The following ITSN1 variants were observed in gnomAD, a reference collection of about 807,000 sequenced individuals.
The protein encoded by ITSN1 is intersectin 1.
A neutral mutation model predicts 239.8 loss-of-function variants in ITSN1; 58 were observed. The observed-to-expected ratio is 0.24, with a 90% CI of 0.20 to 0.30. ITSN1 has a LOEUF of 0.30. Ranked by LOEUF, ITSN1 falls within the 10% of genes least tolerant of loss-of-function variation. The pLI is 1.00. For missense variants in ITSN1, 1,558 were observed against 2,103.3 expected (o/e 0.74, Z 5.07); for synonymous variants, 780 against 770.8 (o/e 1.01, Z -0.20).
intron 5 of ITSN1, among the ~76,000 whole-genome samples, chr21:33,741,873 C>A (rs1368240212): frequency 8.9e-6 from 1 of 111,858 alleles, no homozygotes; most frequent in Non-Finnish European, 1.6e-5. Context: ...CCATCCTGGG[C>A]GACAGAGCGA....
chr21:33,808,157 G>A (rs563543649), intron 20 of ITSN1, among the ~76,000 whole-genome samples: 6 of 150,466 alleles, frequency 4.0e-5, no homozygotes, highest in South Asian at 4.2e-4. Flanking sequence ...ACTGCAGTCC[G>A]CAGTCCCACC....
At position 33,811,312 on chromosome 21, in the gene ITSN1, A is replaced by G. The variant is rs2072900269; in HGVS notation, c.2567+90A>G. The G allele has an allele frequency of 2.3e-6, 3 of 1,316,596 alleles. No homozygotes were observed. The South Asian group carries it at 4.5e-5, about 20-fold the overall frequency. 81.6% of individuals were successfully genotyped at this position (1,316,596 alleles called of 1,614,324 possible). Reference sequence around the variant, plus strand: ...CCCTTAAGTATTTTCATAGTCTTGGATTGTCCTTCTATGTGAGGGAGCTGG... The same window carrying G: ...CCCTTAAGTATTTTCATAGTCTTGGGTTGTCCTTCTATGTGAGGGAGCTGG... On this transcript the variant is annotated intron_variant, in intron 21 of 39. Transcript: ENST00000381318.
chr21:33,873,002 C>T (rs971659046), intron 33 of ITSN1, among the ~76,000 whole-genome samples: 1 of 152,164 alleles, frequency 6.6e-6, no homozygotes, highest in Non-Finnish European at 1.5e-5. Context: ...TAGTGGTTCT[C>T]AGATTTGACT....
At chr21:33,830,650 C>A (rs952395811) in intron 27 of ITSN1, among the ~76,000 whole-genome samples, 3 of 152,144 alleles carry the variant, frequency 2.0e-5, no homozygotes, top group African/African-American at 7.2e-5. Flanking sequence ...AGTATCTAGA[C>A]CCTGTGTGAA....
intron 33 of ITSN1, among the ~76,000 whole-genome samples, chr21:33,868,269 C>T (rs1205899341): frequency 7.2e-5 from 11 of 152,258 alleles, no homozygotes; most frequent in Admixed American, 5.2e-4. Context: ...GTGGATCCCA[C>T]ACCGGGGCTG....
At chr21:33,788,270 C>T (rs2070825044) in intron 16 of ITSN1, among the ~76,000 whole-genome samples, 1 of 151,518 alleles carries the variant, frequency 6.6e-6, no homozygotes, top group Non-Finnish European at 1.5e-5. Context: ...AGCTCTTCTG[C>T]CCACCTCCTT....
chr21:33,709,906 A>G lies in ITSN1; in HGVS notation c.-32-8891A>G, dbSNP rs554078737. Among the ~76,000 whole-genome samples the G allele has an allele frequency of 1.7e-3, 266 of 152,090 alleles. 2 individuals are homozygous for G. Among genetic ancestry groups the G allele is most frequent in the African/African-American group, 6.0e-3 (251 of 41,496 alleles). On this transcript the variant is annotated intron_variant, in intron 1 of 39. Transcript: ENST00000381318. ...TACTTTATTGAGTAATCTCCATATCAGTGTTGCACAGAAGTGGTAAAAGCA... is the reference window on the plus strand; with the variant it reads ...TACTTTATTGAGTAATCTCCATATCGGTGTTGCACAGAAGTGGTAAAAGCA...
intron 1 of ITSN1, among the ~76,000 whole-genome samples, chr21:33,682,518 CTTTCT>C: frequency 6.6e-6 from 1 of 151,236 alleles, no homozygotes; most frequent in Non-Finnish European, 1.5e-5. Context: ...TGCCCAGCCT[CTTTCT>C]TTTCTTTTCT....
intron 37 of ITSN1, 46 bp downstream of exon 37, chr21:33,885,169 G>C (rs1021957592): frequency 1.3e-6 from 2 of 1,505,926 alleles, no homozygotes; most frequent in Non-Finnish European, 1.8e-6. Flanking sequence ...GGGCAGGAGG[G>C]AGGGCCATTT....
At chr21:33,662,515 C>A (rs921206935) in intron 1 of ITSN1, among the ~76,000 whole-genome samples, 2 of 152,094 alleles carry the variant, frequency 1.3e-5, no homozygotes, top group Admixed American at 1.3e-4. Flanking sequence ...TCTGTTCTGT[C>A]AGAAATGGTA....
chr21:33,757,152 C>T (rs1462308201), intron 8 of ITSN1: 1 of 152,176 alleles, frequency 6.6e-6, no homozygotes, highest in African/African-American at 2.4e-5. Context: ...CCCAGAACTA[C>T]ATTGCCAATG....
At position 33,682,819 on chromosome 21, in the gene ITSN1, T is replaced by C. The variant is rs577250951; in HGVS notation, c.-32-35978T>C. Among the ~76,000 whole-genome samples the C allele has an allele frequency of 1.9e-3, 274 of 147,880 alleles. 1 individual carries two copies. Among genetic ancestry groups the C allele is most frequent in the Non-Finnish European group, 2.9e-3 (194 of 67,970 alleles). ...TTGCAGGCTTGAGCCCTTTTTTTTT[T>C]CCCCATATGGCTTCTGAACATTGTT... On this transcript the variant is annotated intron_variant, in intron 1 of 39. Transcript: ENST00000381318.
At chr21:33,783,977 C>T (rs895639993) in intron 16 of ITSN1, among the ~76,000 whole-genome samples, 3 of 152,096 alleles carry the variant, frequency 2.0e-5, no homozygotes, top group Non-Finnish European at 2.9e-5. Context: ...TAATATGTGG[C>T]GAGTCACCCC....
At chr21:33,702,201 C>T (rs1472666827) in intron 1 of ITSN1, among the ~76,000 whole-genome samples, 2 of 108,560 alleles carry the variant, frequency 1.8e-5, no homozygotes, top group African/African-American at 3.6e-5. Flanking sequence ...CTGCAGCCTC[C>T]GCCTCCCAGG....
chr21:33,688,394 C>G (rs756054383), intron 1 of ITSN1, among the ~76,000 whole-genome samples: 1 of 152,146 alleles, frequency 6.6e-6, no homozygotes, highest in African/African-American at 2.4e-5. Context: ...TTGTTTAGTT[C>G]TGAGTTTATG....
chr21:33,834,415 T>C lies in ITSN1; in HGVS notation c.3460T>C (p.Leu1154=), dbSNP rs963213741. The change falls in exon 28 of 40, where the codon TTA becomes CTA. Residue 1154 remains leucine (L), a synonymous_variant. Transcript: ENST00000381318. ...TPTEPPKSTA[L]AAVCQVIGMY... ...AACAGAGCCACCTAAGTCAACAGCA[T>C]TAGCGGCAGGTAAGGAGTTTCGCAT... 8.7e-6 allele frequency: 14 copies of C among 1,610,052 alleles called. 1 individual carries two copies. Among genetic ancestry groups the C allele is most frequent in the African/African-American group, 1.3e-5 (1 of 74,846 alleles).
intron 24 of ITSN1, among the ~76,000 whole-genome samples, chr21:33,822,853 C>T (rs1363990761): frequency 6.6e-6 from 1 of 152,076 alleles, no homozygotes; most frequent in African/African-American, 2.4e-5. Flanking sequence ...AACTAGATGC[C>T]CATTTTTAAC....
At chr21:33,652,154 G>A (rs1385325851) in intron 1 of ITSN1, among the ~76,000 whole-genome samples, 2 of 151,906 alleles carry the variant, frequency 1.3e-5, no homozygotes, top group East Asian at 1.9e-4. Flanking sequence ...TACTTAGCCC[G>A]GGAGAGTTGA....
intron 20 of ITSN1, among the ~76,000 whole-genome samples, chr21:33,805,817 A>G (rs936536707): frequency 2.4e-4 from 36 of 150,392 alleles, no homozygotes; most frequent in East Asian, 8.1e-4. Context: ...GACTACAGGC[A>G]CCCGCCACCA....
Sources: gnomAD v4.1 joint callset for allele counts (sites outside exome capture counted in the v4.1 genomes callset) on GRCh38, gnomAD v4.1.1 for gene constraint, MANE v1.5 for transcripts, NCBI Gene and HGNC (gene_info 2026-07-23, HGNC 2026-07-21) for gene names.